Variants in PLS3 observed in about 807,000 individuals in gnomAD.
The protein encoded by PLS3 is plastin 3.
A neutral mutation model predicts 46.5 loss-of-function variants in PLS3; 11 were observed. The observed-to-expected ratio is 0.24, with a 90% confidence interval of 0.15 to 0.39. The LOEUF is 0.39. PLS3 is among the 10% of genes least tolerant of loss of function. PLS3 has a pLI of 1.00. For missense variants in PLS3, 308 were observed against 461.8 expected (o/e 0.67, Z 3.05); for synonymous variants, 167 against 162.2 (o/e 1.03, Z -0.22).
At chrX:115,604,088 G>A (rs1057253692) in intron 1 of PLS3, among the ~76,000 whole-genome samples, 3 of 111,773 alleles carry the variant, frequency 2.7e-5, no homozygotes, top group Non-Finnish European at 3.8e-5. Context: ...CTGGCCTTAC[G>A]GAGGAACCAA....
At chrX:115,647,348 G>A (rs1556641868) in intron 13 of PLS3, among the ~76,000 whole-genome samples, 1 of 111,911 alleles carries the variant, frequency 8.9e-6, no homozygotes. Context: ...CAGGAGAATG[G>A]TGTGAACCCG....
Position 115,647,654 on chromosome X carries a change from C to T in PLS3, c.1616C>T (p.Thr539Ile), listed in dbSNP as rs782541666. 8.3e-7 allele frequency: 1 copy of T among 1,205,102 alleles called. No homozygotes were observed. Among genetic ancestry groups the T allele is most frequent in the Non-Finnish European group, 1.1e-6 (1 of 889,893 alleles). Residue 539 changes from threonine to isoleucine, a missense_variant, in exon 14 of 16, where the codon ACT becomes ATT. Physicochemically the swap from Thr to Ile is moderately conservative, Grantham distance 89. Around this residue, in one of 2 missense-constraint regions of PLS3, gnomAD observed 271 missense variants for 435.7 expected, o/e 0.62. Coordinates refer to ENST00000355899, the MANE Select transcript of PLS3 (RefSeq NM_005032.7). ...NRTLSEAGKS[T>I]SIQSFKDKTI... is the part of the protein sequence containing the mutation. ...ACGTTGAGTGAAGCTGGAAAATCAA[C>T]TTCCATTCAGAGTTTTAAGGTCAGA...
intron 3 of PLS3, among the ~76,000 whole-genome samples, chrX:115,627,393 T>C (rs892843429): frequency 2.7e-5 from 3 of 111,667 alleles, no homozygotes; most frequent in Non-Finnish European, 5.6e-5. Flanking sequence ...CAGGGACTTG[T>C]GGTATGTTAG....
At position 115,635,009 on chromosome X, in the gene PLS3, C is replaced by T. The variant is rs1603242314; in HGVS notation, c.711C>T (p.Ile237=). 7.4e-6 allele frequency: 9 copies of T among 1,209,100 alleles called. No homozygotes were observed. Among genetic ancestry groups the T allele is most frequent in the South Asian group, 3.5e-5 (2 of 56,510 alleles). The change falls in exon 7 of 16, where the codon ATC becomes ATT. Residue 237 remains isoleucine, a synonymous_variant. Transcript: ENST00000355899. ...VLGLLWQIIK[I]GLFADIELSR... ...GACTGCTTTGGCAGATCATTAAGAT[C>T]GGTTTGTTCGCTGACATTGAATTAA...
At chrX:115,598,073 GAC>G (rs1414506645) in intron 1 of PLS3, among the ~76,000 whole-genome samples, 7 of 110,723 alleles carry the variant, frequency 6.3e-5, no homozygotes, top group African/African-American at 2.3e-4. Flanking sequence ...GGCCAAAGCA[GAC>G]AAATCACTTG....
At chrX:115,604,974 A>G (rs1352151851) in intron 1 of PLS3, among the ~76,000 whole-genome samples, 4 of 111,982 alleles carry the variant, frequency 3.6e-5, no homozygotes, top group Non-Finnish European at 5.6e-5. Flanking sequence ...ACATTAAACA[A>G]CTTTATTTTA....
chrX:115,618,803 A>C (rs1445868837), intron 2 of PLS3, among the ~76,000 whole-genome samples: 1 of 111,061 alleles, frequency 9.0e-6, no homozygotes, highest in African/African-American at 3.3e-5. Context: ...AGGCAGGAGA[A>C]TCGCTTGAAC....
intron 3 of PLS3, among the ~76,000 whole-genome samples, chrX:115,622,914 A>G (rs910905879): frequency 8.9e-6 from 1 of 111,790 alleles, no homozygotes; most frequent in East Asian, 2.8e-4. Context: ...AGTTTGAAGC[A>G]TATCTTTTCA....
chrX:115,641,460 C>T (rs2074895431), intron 9 of PLS3, among the ~76,000 whole-genome samples: 2 of 110,363 alleles, frequency 1.8e-5, no homozygotes, highest in African/African-American at 3.3e-5. Flanking sequence ...CTCCTGACCT[C>T]AGGTGATCCA....
rs184609211 is a variant in PLS3 at position 115,633,901 on chromosome X, T to C, written c.501-99T>C. 811 of 518,301 alleles carry C rather than the reference T, an allele frequency of 1.6e-3. 6 individuals carry two copies. In the African/African-American group the frequency reaches 0.017, roughly 11 times the overall value. The allele number at this position is 518,301 out of a possible 1,213,427, so 42.7% of individuals were successfully genotyped here. On this transcript the variant is annotated intron_variant, in intron 5 of 15. Coordinates refer to ENST00000355899, the MANE Select transcript of PLS3 (RefSeq NM_005032.7). ...TTTAGAGTACATGAAAGAGATGTTA[T>C]AGTAAGCTTTAAAATATTTGTAAAT... is the stretch of plus-strand genomic sequence containing the variant.
chrX:115,633,592 G>A (rs781957405), intron 5 of PLS3, among the ~76,000 whole-genome samples: 3 of 110,984 alleles, frequency 2.7e-5, no homozygotes, highest in East Asian at 5.6e-4. Flanking sequence ...CTGGGCTCAA[G>A]CTGTCCTCTT....
chrX:115,586,685 A>G (rs1162122222), intron 1 of PLS3, among the ~76,000 whole-genome samples: 4 of 109,401 alleles, frequency 3.7e-5, no homozygotes, highest in African/African-American at 1.3e-4. Flanking sequence ...CTCAAAAAAA[A>G]AAAAAAAAAG....
At chrX:115,600,327 A>G (rs1434649250) in intron 1 of PLS3, among the ~76,000 whole-genome samples, 5 of 105,398 alleles carry the variant, frequency 4.7e-5, no homozygotes, top group African/African-American at 1.7e-4. Context: ...GAGTCTCGCT[A>G]TGTTGTACAG....
rs2074985774 is a variant in PLS3, at chrX:115,649,730, G to C, written c.*169G>C. 1.9e-5 allele frequency: 7 copies of C among 370,926 alleles called. No individual in the cohort carries two copies. The allele number at this position is 370,926 out of a possible 1,213,427, so 30.6% of individuals were successfully genotyped here. On this transcript the variant is annotated 3_prime_UTR_variant, in exon 16 of 16. Coordinates refer to ENST00000355899, the MANE Select transcript of PLS3 (RefSeq NM_005032.7). The stretch of plus-strand genomic sequence containing the variant: ...AGAGCCCTCAGGGGAAAGGGTTTAA[G>C]AAAAACAACTCCTCTTTCCCATAGT...
chrX:115,614,945 C>T (rs181544418), intron 2 of PLS3, among the ~76,000 whole-genome samples: 2 of 111,265 alleles, frequency 1.8e-5, no homozygotes, highest in East Asian at 5.7e-4. Flanking sequence ...AGAGAGGTCG[C>T]ATGTGTATTC....
chrX:115,623,233 G>A (rs1477810703), intron 3 of PLS3, among the ~76,000 whole-genome samples: 2 of 112,142 alleles, frequency 1.8e-5, no homozygotes, highest in African/African-American at 6.5e-5. Flanking sequence ...GCTCACACCT[G>A]TAACTCCGGC....
chrX:115,632,549 A>G (rs946311825), intron 5 of PLS3, among the ~76,000 whole-genome samples: 2 of 111,608 alleles, frequency 1.8e-5, no homozygotes, highest in Non-Finnish European at 3.8e-5. Flanking sequence ...GTCACAGACT[A>G]TAGCCTACCT....
At chrX:115,635,640 G>A (rs1233852680) in intron 7 of PLS3, among the ~76,000 whole-genome samples, 1 of 68,687 alleles carries the variant, frequency 1.5e-5, no homozygotes, top group Non-Finnish European at 2.5e-5. Flanking sequence ...GAAAGAGTGA[G>A]ACTCTGTCTC....
intron 15 of PLS3, 79 bp downstream of exon 15, chrX:115,648,096 A>G: frequency 3.8e-6 from 3 of 793,886 alleles, no homozygotes; most frequent in Non-Finnish European, 5.6e-6. Flanking sequence ...AGGTTCTGCC[A>G]TTTAAGAGTG....
Sources: allele counts gnomAD v4.1 joint callset (sites outside exome capture counted in the v4.1 genomes callset), GRCh38; gene constraint gnomAD v4.1.1; regional missense constraint gnomAD v4.1.1; transcripts MANE v1.5; gene names NCBI Gene and HGNC (gene_info 2026-07-23, HGNC 2026-07-21).